Variants in RANBP10 observed in about 807,000 individuals in gnomAD.
RANBP10 encodes RAN binding protein 10, also known as ran-binding protein 10.
Under a neutral mutation model 72.8 loss-of-function variants are expected in RANBP10, and 24 were observed. The observed-to-expected ratio is 0.33, with a 90% CI of 0.24 to 0.46. The LOEUF (loss-of-function observed/expected upper bound fraction) is 0.46. RANBP10 is among the 20% of genes least tolerant of loss of function. RANBP10 has a pLI of 1.00. For synonymous variants in RANBP10, 310 were observed against 322.3 expected (o/e 0.96, Z 0.41); for missense variants, 679 against 817.5 (o/e 0.83, Z 2.07).
chr16:67,727,859 G>T lies in RANBP10; in HGVS notation c.1512C>A (p.Asn504Lys). ...GAATGATCCTTTCTGTGGCAGCCTGGTTGCCCCCGCAGAGCTGCCGCCGAG... is the reference window on the plus strand; with the variant it reads ...GAATGATCCTTTCTGTGGCAGCCTGTTTGCCCCCGCAGAGCTGCCGCCGAG... ...RHPRRQLCGG[N>K]QAATERIILF... The change falls in exon 12 of 14, where the codon AAC (asparagine) becomes AAA (lysine). Residue 504 changes from asparagine to lysine, a missense_variant. Transcript: ENST00000317506. The T allele has an allele frequency of 1.2e-6, 2 of 1,614,108 alleles. No homozygotes were observed. The highest frequency in any genetic ancestry group is 1.7e-6 in the Non-Finnish European group (2 of 1,180,042).
At chr16:67,805,228 G>A (rs1187300216) in intron 2 of RANBP10, among the ~76,000 whole-genome samples, 200 bp downstream of exon 2, 1 of 152,138 alleles carries the variant, frequency 6.6e-6, no homozygotes, top group Non-Finnish European at 1.5e-5. Flanking sequence ...AATAATCCCT[G>A]CTTTACCCCC....
intron 2 of RANBP10, among the ~76,000 whole-genome samples, chr16:67,787,871 G>A (rs2054944712): frequency 6.6e-6 from 1 of 151,990 alleles, no homozygotes; most frequent in African/African-American, 2.4e-5. Context: ...ATGGAGTCTC[G>A]CCTGTTGCCC....
chr16:67,756,979 C>T (rs1053636158), intron 3 of RANBP10, among the ~76,000 whole-genome samples: 5 of 152,096 alleles, frequency 3.3e-5, no homozygotes, highest in Non-Finnish European at 7.4e-5. Context: ...CCGAGGTGGG[C>T]GGATCACCTG....
chr16:67,799,549 A>G (rs1300676620), intron 2 of RANBP10, among the ~76,000 whole-genome samples: 2 of 152,128 alleles, frequency 1.3e-5, no homozygotes, highest in Non-Finnish European at 2.9e-5. Context: ...GGCCTCCCAA[A>G]GTGCCGGGAA....
intron 3 of RANBP10, among the ~76,000 whole-genome samples, chr16:67,756,056 GTCAC>G (rs1195603239): frequency 9.2e-5 from 14 of 152,226 alleles, no homozygotes; most frequent in African/African-American, 3.4e-4. Context: ...CCCCTGCATT[GTCAC>G]TCAGACAGAA....
chr16:67,771,695 A>G (rs2054610631), intron 3 of RANBP10, among the ~76,000 whole-genome samples: 1 of 152,236 alleles, frequency 6.6e-6, no homozygotes, highest in African/African-American at 2.4e-5. Context: ...GGTTGGCAGC[A>G]GTCTTCCTCC....
chr16:67,799,204 G>A (rs769327219), intron 2 of RANBP10, among the ~76,000 whole-genome samples: 36 of 152,056 alleles, frequency 2.4e-4, no homozygotes, highest in Non-Finnish European at 4.6e-4. Context: ...CTAAAGTACT[G>A]GGATTACAGG....
chr16:67,734,829 G>T, intron 6 of RANBP10, 29 bp downstream of exon 6: 1 of 1,524,028 alleles, frequency 6.6e-7, no homozygotes, highest in Non-Finnish European at 8.8e-7. Context: ...TGGGGTGGGA[G>T]TGGGTAAGGG....
At position 67,805,532 on chromosome 16, in the gene RANBP10, G is replaced by A. The variant is rs144721474; in HGVS notation, c.243C>T (p.Gly81=). The A allele has an allele frequency of 2.5e-6, 4 of 1,613,738 alleles. No homozygotes were observed. Among genetic ancestry groups the A allele is most frequent in the Admixed American group, 3.3e-5 (2 of 59,944 alleles). ...GNLRVHYKGH[G]KNHKDAASVR... is the part of the protein sequence containing the mutation. Reference sequence around the variant, plus strand: ...CTGAGGCCGCATCTTTGTGATTTTTGCCATGACCTAACAGGAGAGGGCAAG... The same window carrying A: ...CTGAGGCCGCATCTTTGTGATTTTTACCATGACCTAACAGGAGAGGGCAAG... The change falls in exon 2 of 14, where the codon GGC becomes GGT. Residue 81 remains glycine, a synonymous_variant. Transcript: ENST00000317506.
chr16:67,739,317 G>C (rs1215367282), intron 4 of RANBP10, among the ~76,000 whole-genome samples: 2 of 152,098 alleles, frequency 1.3e-5, no homozygotes, highest in Admixed American at 1.3e-4. Context: ...TGGGAAGCAG[G>C]CTTATTGCAT....
intron 3 of RANBP10, among the ~76,000 whole-genome samples, chr16:67,759,166 C>G (rs1035781542): frequency 1.3e-5 from 2 of 152,270 alleles, no homozygotes; most frequent in African/African-American, 2.4e-5. Flanking sequence ...CCTGGAAAAC[C>G]TGTTGCTGCT....
intron 2 of RANBP10, among the ~76,000 whole-genome samples, chr16:67,773,979 A>T (rs2054651875): frequency 6.6e-6 from 1 of 152,238 alleles, no homozygotes; most frequent in African/African-American, 2.4e-5. Flanking sequence ...CAGAATTCCC[A>T]TTAGATTAAA....
In RANBP10 at chr16:67,728,025, G is replaced by A. The variant is rs570223484; in HGVS notation, c.1475-129C>T. The A allele has an allele frequency of 5.0e-4, 497 of 990,770 alleles. 6 individuals are homozygous for A. In the South Asian group the frequency reaches 6.1e-3, roughly 12 times the overall value. 61.4% of individuals were successfully genotyped at this position (990,770 alleles called of 1,614,324 possible). ...GAGGCAGGCAGGGCTGGGAGGAACA[G>A]GTGAGGCAGCTACAGTCAAGGCGTT... is the stretch of plus-strand genomic sequence containing the variant. On this transcript the variant is annotated intron_variant, in intron 11 of 13. Coordinates refer to ENST00000317506, the MANE Select transcript of RANBP10 (RefSeq NM_020850.3).
In RANBP10 at chr16:67,725,129, T is replaced by C. The variant is rs982102395; in HGVS notation, c.*1299A>G. The C allele has an allele frequency of 2.6e-5, 4 of 152,678 alleles. No homozygotes were observed. The highest frequency in any genetic ancestry group is 7.2e-5 in the African/African-American group (3 of 41,442). 9.5% of individuals were successfully genotyped at this position (152,678 alleles called of 1,614,324 possible). ...GCTGGTGGGACATGTGTAAAGCTGA[T>C]AGAGTCCCATTCTCTGGCCAGCAAA... On this transcript the variant is annotated 3_prime_UTR_variant, in exon 14 of 14. Coordinates refer to ENST00000317506, the MANE Select transcript of RANBP10 (RefSeq NM_020850.3).
Position 67,789,534 on chromosome 16 carries a change from A to G in RANBP10, c.347+15894T>C, listed in dbSNP as rs1340251959. 2.0e-5 allele frequency among the ~76,000 whole-genome samples: 3 copies of G among 151,176 alleles called. No homozygotes were observed. In the East Asian group the frequency reaches 6.0e-4, roughly 30 times the overall value. ...GCCTAGGCTGGAGTGCAATGGCACC[A>G]TCTCGGCTTGCTGCAACCTCCACCT... On this transcript the variant is annotated intron_variant, in intron 2 of 13. Transcript: ENST00000317506.
At chr16:67,788,680 G>A (rs955037059) in intron 2 of RANBP10, among the ~76,000 whole-genome samples, 26 of 151,200 alleles carry the variant, frequency 1.7e-4, no homozygotes, top group East Asian at 1.0e-3. Flanking sequence ...ATGAGCCACC[G>A]CTCCTGCCCC....
chr16:67,796,030 A>T (rs189920797), intron 2 of RANBP10, among the ~76,000 whole-genome samples: 1 of 148,212 alleles, frequency 6.7e-6, no homozygotes, highest in Admixed American at 6.8e-5. Flanking sequence ...GATTCTCCTG[A>T]CTCAGCCTCC....
chr16:67,778,282 G>A (rs563131966), intron 2 of RANBP10, among the ~76,000 whole-genome samples: 14 of 152,224 alleles, frequency 9.2e-5, no homozygotes, highest in Admixed American at 1.3e-4. Flanking sequence ...CCAGGAGGCG[G>A]AGGTTGCAGT....
chr16:67,731,875 A>T (rs1238866971), intron 6 of RANBP10, among the ~76,000 whole-genome samples: 1 of 152,278 alleles, frequency 6.6e-6, no homozygotes, highest in African/African-American at 2.4e-5. Flanking sequence ...AGCGAGTATG[A>T]TAACAGAAGT....
Sources: allele counts gnomAD v4.1 joint callset (sites outside exome capture counted in the v4.1 genomes callset), GRCh38; gene constraint gnomAD v4.1.1; transcripts MANE v1.5; gene names NCBI Gene and HGNC (gene_info 2026-07-23, HGNC 2026-07-21).